The following NAV1 variants were observed in gnomAD, a reference collection of about 807,000 sequenced individuals.
NAV1 encodes neuron navigator 1.
Under a neutral mutation model 175.2 loss-of-function variants are expected in NAV1, and 18 were observed. That is an observed-to-expected ratio of 0.10 (90% CI 0.07 to 0.15). The LOEUF is 0.15. Ranked by LOEUF, NAV1 falls within the 10% of genes least tolerant of loss-of-function variation. NAV1 has a pLI of 1.00. For missense variants in NAV1, 1,731 were observed against 2,436.6 expected (o/e 0.71, Z 6.10); for synonymous variants, 897 against 978.7 (o/e 0.92, Z 1.56).
intron 2 of NAV1, among the ~76,000 whole-genome samples, chr1:201,613,649 G>A (rs540625764): frequency 2.6e-5 from 4 of 152,230 alleles, no homozygotes; most frequent in Non-Finnish European, 5.9e-5. Flanking sequence ...GATCACCTGA[G>A]GTCAGGAGTT....
intron 3 of NAV1, among the ~76,000 whole-genome samples, chr1:201,744,087 T>G (rs1312504620): frequency 6.6e-6 from 1 of 152,186 alleles, no homozygotes; most frequent in Non-Finnish European, 1.5e-5. Context: ...TATCTCTATG[T>G]TGGTCAGGCT....
chr1:201,642,294 G>C (rs1029228144), intron 2 of NAV1, among the ~76,000 whole-genome samples: 3 of 150,738 alleles, frequency 2.0e-5, no homozygotes, highest in Admixed American at 2.0e-4. Context: ...CTCACTGCAG[G>C]CTCCGCCTCC....
In NAV1 at chr1:201,782,719, G is replaced by A. The variant is rs1676412821; in HGVS notation, c.2207G>A (p.Arg736Gln). The A allele has an allele frequency of 6.2e-6, 10 of 1,614,022 alleles. No individual in the cohort carries two copies. Among genetic ancestry groups the A allele is most frequent in the South Asian group, 1.1e-5 (1 of 91,084 alleles). Residue 736 changes from arginine (R) to glutamine (Q), a missense_variant, in exon 6 of 30, where the codon CGG becomes CAG. This residue lies in a region of NAV1 where 634 missense variants were observed against 766.8 expected (regional missense o/e 0.83). Coordinates refer to ENST00000367296, the Ensembl canonical transcript of NAV1. The surrounding 1 kb of genome is among the most constrained non-coding windows in gnomAD (Gnocchi z 5.4). Reference sequence around the variant, plus strand: ...CCAGCCCCTGTCAATCAGACAGATCGGGAAAAGGAGAAGGCCAAAGCCAAG... The same window carrying A: ...CCAGCCCCTGTCAATCAGACAGATCAGGAAAAGGAGAAGGCCAAAGCCAAG...
chr1:201,814,320 T>C (rs906370238), intron 28 of NAV1, among the ~76,000 whole-genome samples: 12 of 150,856 alleles, frequency 8.0e-5, no homozygotes, highest in African/African-American at 2.9e-4. Flanking sequence ...CAGTGAGCCA[T>C]GTTCTCACCA....
At chr1:201,799,038 G>A (rs1337747151) in intron 15 of NAV1, among the ~76,000 whole-genome samples, 2 of 151,380 alleles carry the variant, frequency 1.3e-5, no homozygotes, top group Non-Finnish European at 2.9e-5. Context: ...TAGTACTGTG[G>A]GAGAATGTTC....
intron 1 of NAV1, among the ~76,000 whole-genome samples, chr1:201,676,640 C>T (rs1464943092): frequency 2.0e-5 from 3 of 152,222 alleles, no homozygotes; most frequent in Non-Finnish European, 4.4e-5. Context: ...AACACCCAAC[C>T]AGCTCTGCTT....
chr1:201,636,565 G>A (rs903202460), intron 2 of NAV1, among the ~76,000 whole-genome samples: 1 of 152,208 alleles, frequency 6.6e-6, no homozygotes, highest in African/African-American at 2.4e-5. Context: ...ATAATTAAAG[G>A]TCAGGACATA....
At chr1:201,547,174 A>G (rs961223112) in intron 1 of NAV1, among the ~76,000 whole-genome samples, 3 of 151,904 alleles carry the variant, frequency 2.0e-5, no homozygotes, top group Non-Finnish European at 4.4e-5. Context: ...ATTTTAGTAG[A>G]GACGGGGTTT....
intron 2 of NAV1, among the ~76,000 whole-genome samples, chr1:201,639,408 A>G (rs1668689437): frequency 6.6e-6 from 1 of 151,976 alleles, no homozygotes; most frequent in Non-Finnish European, 1.5e-5. Flanking sequence ...GGAGATCTGG[A>G]CCCCACTCCC....
At chr1:201,642,557 T>TTTCTTTCTTTCTTTCTTTCTTTCTTTA in intron 2 of NAV1, among the ~76,000 whole-genome samples, 1 of 106,098 alleles carries the variant, frequency 9.4e-6, no homozygotes, top group Admixed American at 9.5e-5. Context: ...TTCTTTCTTT[T>TTTCTTTCTTTCTTTCTTTCTTTCTTTA]TTCCCTTTCT....
Position 201,642,374 on chromosome 1 carries a change from A to G in NAV1, c.5-6260A>G, listed in dbSNP as rs1424232503. ...ACTACAGTCGCCCGCCACCACACCC[A>G]GCTAATTTTTTGTTTGTTTGTTTGT... is the stretch of plus-strand genomic sequence containing the variant. On this transcript the variant is annotated intron_variant, in intron 2 of 29. Transcript: ENST00000367302. Among the ~76,000 whole-genome samples the G allele has an allele frequency of 6.6e-5, 10 of 151,478 alleles. No homozygotes were observed. In the East Asian group the frequency reaches 2.0e-3, roughly 30 times the overall value.
chr1:201,646,785 G>A (rs898557283), upstream of NAV1, among the ~76,000 whole-genome samples: 6 of 152,242 alleles, frequency 3.9e-5, no homozygotes, highest in African/African-American at 1.4e-4. Flanking sequence ...AACCAACAGA[G>A]TTGCAACACC....
In NAV1 at chr1:201,782,259, C is replaced by G; in HGVS notation, c.1747C>G (p.Arg583Gly). The G allele has an allele frequency of 6.2e-7, 1 of 1,614,110 alleles. No individual in the cohort carries two copies. Among genetic ancestry groups the G allele is most frequent in the South Asian group, 1.1e-5 (1 of 91,072 alleles). ...CCAACGCTCCTCCTCTGATGCTGGTCGGGACCGCCTGAGTGATGCTAAGAA... is the reference window on the plus strand; with the variant it reads ...CCAACGCTCCTCCTCTGATGCTGGTGGGGACCGCCTGAGTGATGCTAAGAA... Residue 583 changes from arginine to glycine, a missense_variant, in exon 6 of 30, where the codon CGG (arginine) becomes GGG (glycine). Arg to Gly is a moderately radical substitution (Grantham distance 125). This residue lies in a region of NAV1 where 634 missense variants were observed against 766.8 expected (regional missense o/e 0.83). Coordinates refer to ENST00000367296, the Ensembl canonical transcript of NAV1. This position sits in a 1 kb window ranked among gnomAD's most constrained non-coding sequence, Gnocchi z 5.4.
chr1:201,825,221 A>G (rs1037528785), exon 30 of NAV1: 3 of 152,162 alleles, frequency 2.0e-5, no homozygotes, highest in East Asian at 1.9e-4. Flanking sequence ...CCTGGCACAC[A>G]AAGGGGCTTC....
chr1:201,660,211 G>A (rs1384203237), intron 1 of NAV1, among the ~76,000 whole-genome samples: 1 of 152,196 alleles, frequency 6.6e-6, no homozygotes, highest in Non-Finnish European at 1.5e-5. Flanking sequence ...GGGGGAGCAG[G>A]CAGGCCAGTG....
rs777934151 is a variant in NAV1 at position 201,817,318 on chromosome 1, A to G, written c.5538+33A>G. 3.1e-6 allele frequency: 5 copies of G among 1,597,986 alleles called. No individual in the cohort carries two copies. The South Asian group carries it at 5.5e-5, about 18-fold the overall frequency. ...GAAGCCATTCTAGAGTAAAAATAAG[A>G]CTATTATAGAACTGAATTATTGACC... On this transcript the variant is annotated intron_variant, in intron 29 of 29. Coordinates refer to ENST00000367296, the Ensembl canonical transcript of NAV1.
chr1:201,609,813 C>G (rs1160922724), intron 2 of NAV1, among the ~76,000 whole-genome samples: 1 of 152,056 alleles, frequency 6.6e-6, no homozygotes, highest in Non-Finnish European at 1.5e-5. Context: ...GGAAGCCAGA[C>G]TTCTTGTAAC....
chr1:201,794,480 G>C, exon 15 of NAV1: 1 of 1,613,346 alleles, frequency 6.2e-7, no homozygotes. Flanking sequence ...CTGAGCTGCT[G>C]GATTTGCGAG....
At chr1:201,634,534 G>A (rs1668562012) in intron 2 of NAV1, among the ~76,000 whole-genome samples, 1 of 152,184 alleles carries the variant, frequency 6.6e-6, no homozygotes, top group African/African-American at 2.4e-5. Flanking sequence ...TCTGGGAGGG[G>A]CTATGAAGGA....
Sources: gnomAD v4.1 joint callset for allele counts (sites outside exome capture counted in the v4.1 genomes callset) on GRCh38, gnomAD v4.1.1 for gene constraint, gnomAD v4.1.1 regional missense constraint, Gnocchi (gnomAD v3.1) non-coding constraint, MANE v1.5 for transcripts, NCBI Gene and HGNC (gene_info 2026-07-23, HGNC 2026-07-21) for gene names.